The following CADPS variants were observed in gnomAD, a reference collection of about 807,000 sequenced individuals.
CADPS encodes the protein calcium-dependent secretion activator 1.
A neutral mutation model predicts 167.3 loss-of-function variants in CADPS; 57 were observed. That is an observed-to-expected ratio of 0.34 (90% CI 0.28 to 0.42). CADPS has a LOEUF of 0.42. Among genes scored for constraint, CADPS ranks in the 20% least tolerant of loss-of-function variants. The pLI is 1.00. For missense variants in CADPS, 1,414 were observed against 1,738.1 expected, an observed-to-expected ratio of 0.81 and a Z score of 3.32; for synonymous variants, 676 against 635.3, an observed-to-expected ratio of 1.06 and a Z score of -0.96.
intron 1 of CADPS, among the ~76,000 whole-genome samples, chr3:62,766,513 G>A (rs1018619340): frequency 3.9e-5 from 6 of 152,130 alleles, no homozygotes; most frequent in African/African-American, 1.4e-4. Context: ...TGCCCCTCTG[G>A]TGGTCTGAAA....
At chr3:62,858,985 T>C (rs1435481017) in intron 1 of CADPS, among the ~76,000 whole-genome samples, 1 of 152,168 alleles carries the variant, frequency 6.6e-6, no homozygotes, top group Non-Finnish European at 1.5e-5. Context: ...AAAGATAGTA[T>C]TGAGTAGTAG....
chr3:62,601,074 A>G lies in CADPS; in HGVS notation c.1326-8326T>C, dbSNP rs2059890715. ...CACATAGAAAGCACTAAAAAATGTA[A>G]GTCTTCATTTTAGGATTATAGACCA... On this transcript the variant is annotated intron_variant, in intron 6 of 29. Transcript: ENST00000383710. The surrounding 1 kb of genome is among the most constrained non-coding windows in gnomAD (Gnocchi z 4.3). Among the ~76,000 whole-genome samples the G allele has an allele frequency of 6.6e-6, 1 of 152,194 alleles. No individual in the cohort carries two copies. Among genetic ancestry groups the G allele is most frequent in the Non-Finnish European group, 1.5e-5 (1 of 68,038 alleles).
At chr3:62,598,441 T>G (rs912746751) in intron 6 of CADPS, among the ~76,000 whole-genome samples, 1 of 152,252 alleles carries the variant, frequency 6.6e-6, no homozygotes, top group Non-Finnish European at 1.5e-5. Flanking sequence ...TTATCTTCCT[T>G]TCCTCTGTAG....
At chr3:62,681,428 T>G (rs62242518) in intron 3 of CADPS, among the ~76,000 whole-genome samples, 43,197 of 151,942 alleles carry the variant, frequency 0.28, 7,580 homozygotes, top group East Asian at 0.78. Context: ...GCACAGGGCC[T>G]GGCCTGTGTT....
At chr3:62,775,550 C>G (rs2090069589) in intron 1 of CADPS, among the ~76,000 whole-genome samples, 1 of 152,190 alleles carries the variant, frequency 6.6e-6, no homozygotes, top group Admixed American at 6.5e-5. Flanking sequence ...ATTGAAATCT[C>G]AAATTTTATT....
chr3:62,601,391 A>G lies in CADPS; in HGVS notation c.1326-8643T>C, dbSNP rs1189274022. On this transcript the variant is annotated intron_variant, in intron 6 of 29. Coordinates refer to ENST00000383710, the MANE Select transcript of CADPS (RefSeq NM_003716.4). This position sits in a 1 kb window ranked among gnomAD's most constrained non-coding sequence, Gnocchi z 4.3. ...GAAAATTTTTACTTTCTGGTCCTTT[A>G]TAGAAAAAGTTTGCCGATCTCTGTT... Among the ~76,000 whole-genome samples, 1 of 152,204 alleles carries G rather than the reference A, an allele frequency of 6.6e-6. No individual in the cohort carries two copies. Among genetic ancestry groups the G allele is most frequent in the Non-Finnish European group, 1.5e-5 (1 of 68,038 alleles).
At position 62,777,431 on chromosome 3, in the gene CADPS, C is replaced by T. The variant is rs549840167; in HGVS notation, c.442-11447G>A. ...GACCTTGGCTGGTTGTTCTAACAAT[C>T]GCCATTCAGGATCCAGAATAGCAGA... On this transcript the variant is annotated intron_variant, in intron 1 of 29. Transcript: ENST00000383710. 5.6e-4 allele frequency among the ~76,000 whole-genome samples: 85 copies of T among 152,158 alleles called. 1 individual carries two copies. The South Asian group carries it at 0.011, about 20-fold the overall frequency.
intron 13 of CADPS, among the ~76,000 whole-genome samples, chr3:62,531,578 C>T (rs1463555657): frequency 2.6e-5 from 4 of 152,128 alleles, no homozygotes; most frequent in Admixed American, 6.6e-5. Context: ...AAGATGAAGA[C>T]GACTGACACA....
chr3:62,540,906 G>A (rs2075581647), intron 11 of CADPS, among the ~76,000 whole-genome samples: 1 of 152,172 alleles, frequency 6.6e-6, no homozygotes, highest in Non-Finnish European at 1.5e-5. Context: ...GTTGACATTA[G>A]CAGAGGGAAA....
chr3:62,448,522 T>A (rs1028613535), intron 26 of CADPS, among the ~76,000 whole-genome samples: 3 of 151,996 alleles, frequency 2.0e-5, no homozygotes, highest in African/African-American at 7.3e-5. Context: ...CCTCCTCCCA[T>A]CCCATAATAA....
chr3:62,693,765 A>G (rs537960634), intron 3 of CADPS, among the ~76,000 whole-genome samples: 244 of 148,138 alleles, frequency 1.6e-3, no homozygotes, highest in African/African-American at 5.9e-3. Context: ...AGCCTGGGTG[A>G]CAGAATGGGA....
chr3:62,489,813 C>A (rs768150822), intron 21 of CADPS, among the ~76,000 whole-genome samples: 8 of 152,020 alleles, frequency 5.3e-5, no homozygotes, highest in Non-Finnish European at 1.0e-4. Flanking sequence ...TATTCTCCAG[C>A]ACAACTGTCT....
intron 1 of CADPS, among the ~76,000 whole-genome samples, chr3:62,802,654 T>C (rs902023459): frequency 2.6e-5 from 4 of 152,140 alleles, no homozygotes; most frequent in African/African-American, 9.7e-5. Flanking sequence ...AAATCTACCT[T>C]TAAAATCCCA....
At chr3:62,708,222 T>C (rs4688321) in intron 3 of CADPS, among the ~76,000 whole-genome samples, 105,549 of 151,336 alleles carry the variant, frequency 0.7, 37,325 homozygotes, top group East Asian at 0.86. Context: ...CTGTGCCTGG[T>C]CTAGCACAAG....
At chr3:62,510,046 C>T (rs1251328614) in intron 17 of CADPS, among the ~76,000 whole-genome samples, 1 of 152,138 alleles carries the variant, frequency 6.6e-6, no homozygotes, top group Non-Finnish European at 1.5e-5. Flanking sequence ...GGGCCAAGGC[C>T]CATAGGTTCA....
chr3:62,444,253 G>A (rs949446182), intron 27 of CADPS, among the ~76,000 whole-genome samples: 1 of 152,122 alleles, frequency 6.6e-6, no homozygotes, highest in Non-Finnish European at 1.5e-5. Context: ...GGAGCCCAAC[G>A]CTGATGTCTG....
At chr3:62,570,472 C>T (rs2152450302) in intron 9 of CADPS, among the ~76,000 whole-genome samples, 1 of 152,276 alleles carries the variant, frequency 6.6e-6, no homozygotes, top group African/African-American at 2.4e-5. Context: ...ACATTGTTTT[C>T]AGCCAAAGTT....
intron 3 of CADPS, among the ~76,000 whole-genome samples, chr3:62,688,990 A>G (rs1169452144): frequency 6.6e-6 from 1 of 152,028 alleles, no homozygotes; most frequent in Non-Finnish European, 1.5e-5. Flanking sequence ...AAATCTTTCC[A>G]GCGTGTGAAT....
chr3:62,864,867 G>A (rs1319658653), intron 1 of CADPS, among the ~76,000 whole-genome samples: 1 of 152,116 alleles, frequency 6.6e-6, no homozygotes, highest in East Asian at 1.9e-4. Flanking sequence ...CTACGTCAGT[G>A]TATCTCAACT....
Sources: allele counts gnomAD v4.1 joint callset (sites outside exome capture counted in the v4.1 genomes callset), GRCh38; gene constraint gnomAD v4.1.1; non-coding constraint Gnocchi (gnomAD v3.1); transcripts MANE v1.5; gene names NCBI Gene and HGNC (gene_info 2026-07-23, HGNC 2026-07-21).